The following KCND2 variants were observed in gnomAD, a reference collection of about 807,000 sequenced individuals.
KCND2 encodes A-type voltage-gated potassium channel KCND2.
In KCND2, 16 loss-of-function variants were observed where a neutral mutation model predicts 54.4. The observed-to-expected ratio is 0.29, with a 90% confidence interval of 0.20 to 0.45. The LOEUF (loss-of-function observed/expected upper bound fraction) is 0.45. Ranked by LOEUF, KCND2 falls within the 20% of genes least tolerant of loss-of-function variation. The pLI is 1.00. For synonymous variants in KCND2, 317 were observed against 310.7 expected, an observed-to-expected ratio of 1.02 and a Z score of -0.21; for missense variants, 486 against 824.2, an observed-to-expected ratio of 0.59 and a Z score of 5.02.
intron 1 of KCND2, among the ~76,000 whole-genome samples, chr7:120,499,588 A>G (rs149068654): frequency 1.3e-5 from 2 of 152,252 alleles, no homozygotes; most frequent in African/African-American, 4.8e-5. Context: ...ACTTTTACTC[A>G]TATTTTCTTT....
intron 1 of KCND2, among the ~76,000 whole-genome samples, chr7:120,567,951 A>C (rs572698984): frequency 5.3e-5 from 8 of 152,232 alleles, no homozygotes; most frequent in African/African-American, 1.9e-4. Context: ...GATGCATGTA[A>C]TATTCTTGAA....
At chr7:120,388,577 G>A (rs931477009) in intron 1 of KCND2, among the ~76,000 whole-genome samples, 7 of 151,954 alleles carry the variant, frequency 4.6e-5, no homozygotes, top group African/African-American at 1.7e-4. Flanking sequence ...AAGGGAATGA[G>A]AATCTCAAAT....
chr7:120,320,657 T>G (rs1229285681), intron 1 of KCND2, among the ~76,000 whole-genome samples: 1 of 152,092 alleles, frequency 6.6e-6, no homozygotes, highest in Non-Finnish European at 1.5e-5. Flanking sequence ...ATTAAAAGTT[T>G]ATTGTAGTGG....
chr7:120,284,228 T>C (rs1284320289), intron 1 of KCND2, among the ~76,000 whole-genome samples: 1 of 152,004 alleles, frequency 6.6e-6, no homozygotes, highest in African/African-American at 2.4e-5. Flanking sequence ...CCCAGTTCTT[T>C]CCAGAGGCCT....
intron 1 of KCND2, among the ~76,000 whole-genome samples, chr7:120,629,856 T>G (rs1793211348): frequency 6.6e-6 from 1 of 152,114 alleles, no homozygotes; most frequent in South Asian, 2.1e-4. Flanking sequence ...TGGAACTATA[T>G]TGGAACAAAT....
chr7:120,286,381 G>T (rs17374849), intron 1 of KCND2, among the ~76,000 whole-genome samples: 19,045 of 151,800 alleles, frequency 0.13, 1,260 homozygotes, highest in African/African-American at 0.16. Flanking sequence ...TATTTTGCTG[G>T]GAAACATAAC....
chr7:120,445,805 A>G (rs564122065), intron 1 of KCND2, among the ~76,000 whole-genome samples: 9 of 152,234 alleles, frequency 5.9e-5, no homozygotes, highest in East Asian at 1.9e-4. Context: ...CATGTATGTT[A>G]TATAATTATT....
chr7:120,386,815 T>C (rs1471041640), intron 1 of KCND2, among the ~76,000 whole-genome samples: 2 of 152,094 alleles, frequency 1.3e-5, no homozygotes, highest in African/African-American at 4.8e-5. Flanking sequence ...TTGAAAGAAA[T>C]GGAGGGGAAA....
chr7:120,443,709 A>G (rs1801978233), intron 1 of KCND2, among the ~76,000 whole-genome samples: 1 of 151,178 alleles, frequency 6.6e-6, no homozygotes, highest in Admixed American at 6.6e-5. Context: ...GTGGCATTTG[A>G]TGTCCAATAC....
At chr7:120,743,730 T>G (rs539708122) in intron 4 of KCND2, among the ~76,000 whole-genome samples, 1 of 152,004 alleles carries the variant, frequency 6.6e-6, no homozygotes, top group African/African-American at 2.4e-5. Context: ...GTGAAATAAT[T>G]TAAGAGTGGT....
chr7:120,647,914 A>G (rs545703083), intron 1 of KCND2, among the ~76,000 whole-genome samples: 1 of 152,332 alleles, frequency 6.6e-6, no homozygotes, highest in South Asian at 2.1e-4. Flanking sequence ...ATGCATATAG[A>G]TATAGATATT....
At chr7:120,737,035 TAC>T (rs768582158) in intron 2 of KCND2, among the ~76,000 whole-genome samples, 5,453 of 98,612 alleles carry the variant, frequency 0.055, 142 homozygotes, top group African/African-American at 0.071. Context: ...CTGGAAAGCT[TAC>T]ACACACACAC....
At chr7:120,424,829 C>G (rs1322887331) in intron 1 of KCND2, among the ~76,000 whole-genome samples, 1 of 152,150 alleles carries the variant, frequency 6.6e-6, no homozygotes, top group Non-Finnish European at 1.5e-5. Flanking sequence ...TTTAGTCTAC[C>G]TCTTAATCTA....
chr7:120,510,272 T>C (rs1335363392), intron 1 of KCND2, among the ~76,000 whole-genome samples: 1 of 152,164 alleles, frequency 6.6e-6, no homozygotes, highest in Non-Finnish European at 1.5e-5. Flanking sequence ...ACAAACTTCT[T>C]GGCATTGACA....
rs1002491934 is a variant in KCND2 at position 120,750,037 on chromosome 7, T to C, written c.*2179T>C. The C allele has an allele frequency of 2.6e-5, 4 of 151,996 alleles. No individual in the cohort carries two copies. Among genetic ancestry groups the C allele is most frequent in the Non-Finnish European group, 5.9e-5 (4 of 67,850 alleles). The allele number at this position is 151,996 out of a possible 1,614,324, so 9.4% of individuals were successfully genotyped here. On this transcript the variant is annotated 3_prime_UTR_variant, in exon 6 of 6. Coordinates refer to ENST00000331113, the MANE Select transcript of KCND2 (RefSeq NM_012281.3). The stretch of plus-strand genomic sequence containing the variant: ...TTGATTTATCACTTACCCAAAATTA[T>C]TAATTTTATTAGGCTTTTGGAAAAG...
At chr7:120,561,912 G>A (rs901774746) in intron 1 of KCND2, among the ~76,000 whole-genome samples, 27 of 152,088 alleles carry the variant, frequency 1.8e-4, no homozygotes, top group East Asian at 7.8e-4. Flanking sequence ...GCACCCGGCC[G>A]CTATCTGATT....
intron 1 of KCND2, among the ~76,000 whole-genome samples, chr7:120,278,585 C>T (rs558545531): frequency 6.6e-6 from 1 of 151,458 alleles, no homozygotes; most frequent in East Asian, 1.9e-4. Flanking sequence ...GAATCATTTG[C>T]AGCTTCTAGA....
chr7:120,275,805 C>T, intron 1 of KCND2, 58 bp downstream of exon 1: 1 of 1,553,212 alleles, frequency 6.4e-7, no homozygotes, highest in Non-Finnish European at 8.8e-7. Flanking sequence ...CGATTGTGGA[C>T]CCATCGAGGT....
chr7:120,703,036 C>T (rs552636194), intron 1 of KCND2, among the ~76,000 whole-genome samples: 2 of 152,112 alleles, frequency 1.3e-5, no homozygotes, highest in Non-Finnish European at 2.9e-5. Context: ...TTACTGGAAG[C>T]AATAGAAAAT....
Sources: gnomAD v4.1 joint callset for allele counts (sites outside exome capture counted in the v4.1 genomes callset) on GRCh38, gnomAD v4.1.1 for gene constraint, MANE v1.5 for transcripts, NCBI Gene and HGNC (gene_info 2026-07-23, HGNC 2026-07-21) for gene names.